The following SNTB1 variants were observed in gnomAD, a reference collection of about 807,000 sequenced individuals.
The protein encoded by SNTB1 is syntrophin beta 1.
SNTB1 carries 36 observed loss-of-function variants against 48.9 expected under a neutral mutation model. The observed-to-expected ratio is 0.74, with a 90% CI of 0.56 to 0.97. The LOEUF is 0.97. Ranked by LOEUF, SNTB1 falls within the 50% of genes least tolerant of loss-of-function variation. The pLI is 0.00. For missense variants in SNTB1, 786 were observed against 703.4 expected (o/e 1.12, Z -1.33); for synonymous variants, 299 against 294.6 (o/e 1.01, Z -0.15).
intron 1 of SNTB1, among the ~76,000 whole-genome samples, chr8:120,745,795 C>T (rs149403280): frequency 7.2e-5 from 11 of 152,268 alleles, no homozygotes; most frequent in Non-Finnish European, 1.0e-4. Context: ...TGCCATGACG[C>T]TGGACACTCT....
intron 1 of SNTB1, among the ~76,000 whole-genome samples, chr8:120,715,801 G>A (rs775809650): frequency 1.3e-5 from 2 of 151,856 alleles, no homozygotes; most frequent in Admixed American, 6.6e-5. Flanking sequence ...TCGTGATGCC[G>A]TCCCACTCAC....
At chr8:120,674,729 G>C (rs1203967594) in intron 2 of SNTB1, among the ~76,000 whole-genome samples, 1 of 152,198 alleles carries the variant, frequency 6.6e-6, no homozygotes, top group Non-Finnish European at 1.5e-5. Context: ...AGAAGGTTGA[G>C]AATTACTGTA....
intron 1 of SNTB1, among the ~76,000 whole-genome samples, chr8:120,760,385 G>C (rs1257709547): frequency 6.6e-6 from 1 of 151,306 alleles, no homozygotes; most frequent in African/African-American, 2.4e-5. Context: ...TGCTAAAACC[G>C]AAGAGGGGGT....
At chr8:120,755,205 AAGAG>A (rs1338468740) in intron 1 of SNTB1, among the ~76,000 whole-genome samples, 4 of 149,248 alleles carry the variant, frequency 2.7e-5, no homozygotes, top group African/African-American at 9.8e-5. Context: ...AGAGAGAAGA[AAGAG>A]AGAGAGAGGG....
chr8:120,632,518 C>T lies in SNTB1; in HGVS notation c.922G>A (p.Val308Ile). Residue 308 changes from valine (V) to isoleucine (I), a missense_variant, in exon 3 of 7, where the codon GTC becomes ATC. Transcript: ENST00000517992. ...CCTGTTTTCCCCAGCTGCTCTCTGA[C>T]CTCAGCAATCACTCGGGTCAGCAGG... is the stretch of plus-strand genomic sequence containing the variant. ...NDLLTRVIAE[V>I]REQLGKTGIA... is the part of the protein sequence containing the mutation. 6.2e-7 allele frequency: 1 copy of T among 1,614,182 alleles called. No individual in the cohort carries two copies. Among genetic ancestry groups the T allele is most frequent in the South Asian group, 1.1e-5 (1 of 91,078 alleles).
chr8:120,726,969 T>C (rs1818766576), intron 1 of SNTB1, among the ~76,000 whole-genome samples: 1 of 152,166 alleles, frequency 6.6e-6, no homozygotes, highest in East Asian at 1.9e-4. Context: ...AGTCAACACT[T>C]TTTTCCCTCC....
intron 2 of SNTB1, among the ~76,000 whole-genome samples, chr8:120,689,508 T>C (rs1396286758): frequency 6.6e-6 from 1 of 152,202 alleles, no homozygotes; most frequent in Non-Finnish European, 1.5e-5. Context: ...CCGCTACCTA[T>C]GATGGTTATT....
chr8:120,701,240 T>G (rs1011205732), intron 1 of SNTB1, among the ~76,000 whole-genome samples: 3 of 152,318 alleles, frequency 2.0e-5, no homozygotes, highest in East Asian at 1.9e-4. Context: ...AAGTTATAGC[T>G]AATGTCTCGA....
Position 120,720,338 on chromosome 8 carries a change from C to T in SNTB1, c.572-26430G>A, listed in dbSNP as rs1426541705. 3.9e-5 allele frequency among the ~76,000 whole-genome samples: 6 copies of T among 152,220 alleles called. No individual in the cohort carries two copies. In the East Asian group the frequency reaches 7.7e-4, roughly 20 times the overall value. ...ATGTGGGCCAGAAAGGATAGATTTA[C>T]GTGCCTTCAGCACAATGCATGGCCA... On this transcript the variant is annotated intron_variant, in intron 1 of 6. Coordinates refer to ENST00000517992, the MANE Select transcript of SNTB1 (RefSeq NM_021021.4).
At chr8:120,588,529 C>A (rs1212715084) in intron 3 of SNTB1, among the ~76,000 whole-genome samples, 1 of 59,162 alleles carries the variant, frequency 1.7e-5, no homozygotes, top group Non-Finnish European at 4.5e-5. Flanking sequence ...CTGGGAATAG[C>A]CATTTTTTTT....
At chr8:120,787,612 A>G (rs1197263408) in intron 1 of SNTB1, among the ~76,000 whole-genome samples, 1 of 152,170 alleles carries the variant, frequency 6.6e-6, no homozygotes, top group African/African-American at 2.4e-5. Context: ...TTAACAATAG[A>G]CTAGATCAAG....
chr8:120,709,907 G>A (rs1321568930), intron 1 of SNTB1, among the ~76,000 whole-genome samples: 1 of 151,296 alleles, frequency 6.6e-6, no homozygotes, highest in East Asian at 2.0e-4. Context: ...TAAAGTGTCT[G>A]GTATTTAAAA....
chr8:120,567,082 T>C (rs1815762984), intron 4 of SNTB1, among the ~76,000 whole-genome samples: 1 of 152,238 alleles, frequency 6.6e-6, no homozygotes, highest in African/African-American at 2.4e-5. Flanking sequence ...TACTGTTGCA[T>C]GACTGTGGTA....
At chr8:120,659,927 A>G (rs1266555462) in intron 2 of SNTB1, among the ~76,000 whole-genome samples, 2 of 152,198 alleles carry the variant, frequency 1.3e-5, no homozygotes, top group African/African-American at 2.4e-5. Flanking sequence ...GACCAGTTAC[A>G]GTGTCAATAA....
chr8:120,798,794 A>C (rs1820165935), intron 1 of SNTB1, among the ~76,000 whole-genome samples: 1 of 151,980 alleles, frequency 6.6e-6, no homozygotes, highest in Non-Finnish European at 1.5e-5. Flanking sequence ...TGAGATGAAA[A>C]TGTGTCTAGG....
chr8:120,770,813 C>T (rs577662056), intron 1 of SNTB1, among the ~76,000 whole-genome samples: 10 of 151,514 alleles, frequency 6.6e-5, no homozygotes, highest in African/African-American at 2.4e-4. Flanking sequence ...AACTCTGTCT[C>T]AAAAAAAAAT....
At chr8:120,692,466 C>T (rs942237432) in intron 2 of SNTB1, among the ~76,000 whole-genome samples, 25 of 152,280 alleles carry the variant, frequency 1.6e-4, no homozygotes, top group African/African-American at 5.3e-4. Flanking sequence ...CTCGATCCCT[C>T]GCTTTCTTTA....
At chr8:120,682,045 A>T in intron 2 of SNTB1, among the ~76,000 whole-genome samples, 1 of 152,290 alleles carries the variant, frequency 6.6e-6, no homozygotes, top group South Asian at 2.1e-4. Flanking sequence ...AAAAGCTAAA[A>T]TATGACAGGT....
At chr8:120,684,376 T>C (rs778119867) in intron 2 of SNTB1, among the ~76,000 whole-genome samples, 5 of 152,170 alleles carry the variant, frequency 3.3e-5, no homozygotes, top group Non-Finnish European at 7.3e-5. Context: ...TCCATCACAA[T>C]AGCCCCCAAA....
Sources: gnomAD v4.1 joint callset for allele counts (sites outside exome capture counted in the v4.1 genomes callset) on GRCh38, gnomAD v4.1.1 for gene constraint, MANE v1.5 for transcripts, NCBI Gene and HGNC (gene_info 2026-07-23, HGNC 2026-07-21) for gene names.